ODF2L: variants seen among roughly 807,000 people sequenced by gnomAD.
The protein encoded by ODF2L is outer dense fiber of sperm tails 2 like.
Under a neutral mutation model 86.3 loss-of-function variants are expected in ODF2L, and 76 were observed. The ratio of observed to expected loss-of-function variants is 0.88; its 90% CI spans 0.73 to 1.07. The LOEUF (loss-of-function observed/expected upper bound fraction) is 1.07. Among genes scored for constraint, ODF2L ranks in the 50% least tolerant of loss-of-function variants. ODF2L has a pLI of 0.00. For missense variants in ODF2L, 748 were observed against 717.4 expected, an observed-to-expected ratio of 1.04 and a Z score of -0.49; for synonymous variants, 241 against 231.3, an observed-to-expected ratio of 1.04 and a Z score of -0.38.
At chr1:86,368,326 C>A (rs1389658960) in intron 11 of ODF2L, among the ~76,000 whole-genome samples, 1 of 151,984 alleles carries the variant, frequency 6.6e-6, no homozygotes, top group Non-Finnish European at 1.5e-5. Context: ...TTTAACATGT[C>A]TTTTAGTTGT....
Position 86,376,327 on chromosome 1 carries a change from G to GT in ODF2L, c.715dup (p.Thr239AsnfsTer9). On this transcript the variant is annotated frameshift_variant, in exon 8 of 18. Transcript: ENST00000317336. LOFTEE classifies it high-confidence loss of function. ...TTTAGATGCCTTTTTTAAAGCTACA[G>GT]TTTTTTGCCTACTTGCTTCTTTCAT... 2 of 1,612,072 alleles carry GT rather than the reference G, an allele frequency of 1.2e-6. No homozygotes were observed. The highest frequency in any genetic ancestry group is 1.7e-6 in the Non-Finnish European group (2 of 1,178,524).
intron 13 of ODF2L, chr1:86,357,912 A>G (rs1658710677): frequency 4.1e-6 from 4 of 984,984 alleles, no homozygotes; most frequent in Non-Finnish European, 3.6e-6. Flanking sequence ...TTGCACTGGT[A>G]TGTTTCATGA....
In ODF2L at chr1:86,373,758, A is replaced by G. The variant is rs573460630; in HGVS notation, c.811-1218T>C. ...GATGTACCTTACTTGTCTTTGCTAT[A>G]ATGACGCCAAGATCTATTTTGTAGA... On this transcript the variant is annotated intron_variant, in intron 8 of 17. Transcript: ENST00000317336. Among the ~76,000 whole-genome samples, 5 of 152,240 alleles carry G rather than the reference A, an allele frequency of 3.3e-5. No individual in the cohort carries two copies. In the South Asian group the frequency reaches 1.0e-3, roughly 32 times the overall value.
chr1:86,356,877 A>T (rs1658610370), intron 13 of ODF2L, among the ~76,000 whole-genome samples: 1 of 152,204 alleles, frequency 6.6e-6, no homozygotes, highest in Admixed American at 6.5e-5. Flanking sequence ...GCAAATTTTT[A>T]AAATCCTGAC....
At chr1:86,394,840 C>CTTTTTT (rs33996151) in intron 1 of ODF2L, among the ~76,000 whole-genome samples, 1 of 129,314 alleles carries the variant, frequency 7.7e-6, no homozygotes. Flanking sequence ...TTTCTTTTTC[C>CTTTTTT]TTTTTTTTTT....
At chr1:86,360,613 A>G in intron 11 of ODF2L, 77 bp from the exon 11 acceptor site, 1 of 639,454 alleles carries the variant, frequency 1.6e-6, no homozygotes. Flanking sequence ...TTATAAAAAC[A>G]TAACTCATGT....
chr1:86,384,533 T>C, intron 4 of ODF2L, 143 bp downstream of exon 4: 1 of 418,126 alleles, frequency 2.4e-6, no homozygotes, highest in Admixed American at 4.4e-5. Flanking sequence ...TATGAAACAC[T>C]AAAGGTGGGG....
chr1:86,373,956 T>C (rs1220861608), intron 8 of ODF2L, among the ~76,000 whole-genome samples: 1 of 152,158 alleles, frequency 6.6e-6, no homozygotes, highest in Non-Finnish European at 1.5e-5. Context: ...AAACACTCAA[T>C]AAATAGCTCA....
At chr1:86,392,184 T>A (rs1378360913) in intron 1 of ODF2L, among the ~76,000 whole-genome samples, 1 of 151,986 alleles carries the variant, frequency 6.6e-6, no homozygotes, top group Non-Finnish European at 1.5e-5. Flanking sequence ...AAAATAATAA[T>A]AGATGTTGGC....
rs1407312768 is a variant in ODF2L, at chr1:86,366,425, CACACACACAT to C, written c.1143+2201_1143+2210del. 5.6e-3 allele frequency among the ~76,000 whole-genome samples: 812 copies of C among 145,032 alleles called. 11 individuals carry two copies. The highest frequency in any genetic ancestry group is 0.02 in the African/African-American group (736 of 37,112). ...ACACACACACACACACACACACACACACACACACATACACATACACATACACACACATTCA... is the reference window on the plus strand; with the variant it reads ...ACACACACACACACACACACACACACACACATACACATACACACACATTCA... On this transcript the variant is annotated intron_variant, in intron 11 of 17. Transcript: ENST00000317336.
chr1:86,396,192 A>G (rs2101649961), exon 1 of ODF2L: 1 of 152,752 alleles, frequency 6.5e-6, no homozygotes, highest in South Asian at 2.1e-4. Flanking sequence ...GGGGCACTAC[A>G]GTGGGTAGAC....
intron 8 of ODF2L, among the ~76,000 whole-genome samples, chr1:86,373,881 G>A (rs915379285): frequency 6.6e-6 from 1 of 152,184 alleles, no homozygotes; most frequent in African/African-American, 2.4e-5. Context: ...CCATGAGGTA[G>A]GGATTTTTAT....
intron 11 of ODF2L, among the ~76,000 whole-genome samples, chr1:86,361,677 G>T (rs1453367905): frequency 6.6e-6 from 1 of 151,844 alleles, no homozygotes; most frequent in Non-Finnish European, 1.5e-5. Context: ...TTTGTCATTA[G>T]AAAAATAAAA....
intron 11 of ODF2L, among the ~76,000 whole-genome samples, chr1:86,364,990 T>C (rs1659302770): frequency 6.6e-6 from 1 of 152,196 alleles, no homozygotes; most frequent in African/African-American, 2.4e-5. Context: ...TCTGGAATTT[T>C]CCAATACAAT....
chr1:86,387,102 G>A lies in ODF2L; in HGVS notation c.-59-16C>T, dbSNP rs1661007420. 3.0e-6 allele frequency: 2 copies of A among 662,146 alleles called. No homozygotes were observed. The highest frequency in any genetic ancestry group is 1.9e-5 in the African/African-American group (1 of 52,114). 41.0% of individuals were successfully genotyped at this position (662,146 alleles called of 1,614,324 possible). Reference sequence around the variant, plus strand: ...AAGCTGAAAGCTAGGAAATATTTTAGTTATTAAATTTATTTCAATAGAGTT... The same window carrying A: ...AAGCTGAAAGCTAGGAAATATTTTAATTATTAAATTTATTTCAATAGAGTT... On this transcript the variant is annotated splice_polypyrimidine_tract_variant and intron_variant, in intron 1 of 17. Transcript: ENST00000317336.
intron 11 of ODF2L, among the ~76,000 whole-genome samples, chr1:86,366,169 T>G (rs183644876): frequency 1.3e-5 from 2 of 152,124 alleles, no homozygotes; most frequent in East Asian, 3.9e-4. Context: ...GTCTTTTTAT[T>G]GTCTCATTTG....
chr1:86,386,968 A>G lies in ODF2L; in HGVS notation c.60T>C (p.Thr20=), dbSNP rs769365176. 3 of 1,596,740 alleles carry G rather than the reference A, an allele frequency of 1.9e-6. No individual in the cohort carries two copies. The East Asian group carries it at 6.9e-5, about 37-fold the overall frequency. Reference sequence around the variant, plus strand: ...GTGGTAAATCTTCTTTCTCTGATATAGTTTTAAGATGGCAAAAGAGTTCTT... The same window carrying G: ...GTGGTAAATCTTCTTTCTCTGATATGGTTTTAAGATGGCAAAAGAGTTCTT... Residue 20 remains threonine (T), a synonymous_variant, in exon 2 of 18, where the codon ACT becomes ACC. Coordinates refer to ENST00000317336, the Ensembl canonical transcript of ODF2L.
rs1658240489 is a variant in ODF2L at position 86,352,802 on chromosome 1, A to C, written c.1893+57T>G. The C allele has an allele frequency of 1.3e-5, 14 of 1,059,676 alleles. No individual in the cohort carries two copies. In the South Asian group the frequency reaches 2.4e-4, roughly 18 times the overall value. 65.6% of individuals were successfully genotyped at this position (1,059,676 alleles called of 1,614,324 possible). ...GATTCACTCACTTTGTATTTTCTACATGGTAAGAATGTTAAATGTTATCTT... is the reference window on the plus strand; with the variant it reads ...GATTCACTCACTTTGTATTTTCTACCTGGTAAGAATGTTAAATGTTATCTT... On this transcript the variant is annotated intron_variant, in intron 17 of 17. Transcript: ENST00000317336.
intron 16 of ODF2L, among the ~76,000 whole-genome samples, chr1:86,353,416 A>G (rs886146870): frequency 1.3e-5 from 2 of 152,186 alleles, no homozygotes; most frequent in African/African-American, 4.8e-5. Flanking sequence ...CACTTCCTAC[A>G]AACACACACA....
Sources: gnomAD v4.1 joint callset for allele counts (sites outside exome capture counted in the v4.1 genomes callset) on GRCh38, gnomAD v4.1.1 for gene constraint, MANE v1.5 for transcripts, NCBI Gene and HGNC (gene_info 2026-07-23, HGNC 2026-07-21) for gene names.